TRPM3: variants seen among roughly 807,000 people sequenced by gnomAD.
TRPM3 encodes transient receptor potential cation channel subfamily M member 3.
Under a neutral mutation model 181.2 loss-of-function variants are expected in TRPM3, and 77 were observed. The ratio of observed to expected loss-of-function variants is 0.42; its 90% CI spans 0.35 to 0.51. The LOEUF (loss-of-function observed/expected upper bound fraction) is 0.51. TRPM3 is among the 20% of genes least tolerant of loss of function. The pLI is 0.01. For synonymous variants in TRPM3, 745 were observed against 796.4 expected (o/e 0.94, Z 1.09); for missense variants, 1,759 against 2,196.7 (o/e 0.80, Z 3.98).
At chr9:70,633,067 A>G (rs7859009) in intron 12 of TRPM3, among the ~76,000 whole-genome samples, 2,958 of 152,264 alleles carry the variant, frequency 0.019, 106 homozygotes, top group African/African-American at 0.065. Flanking sequence ...TGGGTCATTG[A>G]ATTGGATGAG....
rs370866814 is a variant in TRPM3 at position 70,854,436 on chromosome 9, C to T, written c.463-7845G>A. ...AAATTGTGGCACATACCAGGTATGG[C>T]GGAAAAACTAATAAATGCAAATTGA... is the stretch of plus-strand genomic sequence containing the variant. On this transcript the variant is annotated intron_variant, in intron 3 of 25. Transcript: ENST00000677713. Among the ~76,000 whole-genome samples, 85 of 152,242 alleles carry T rather than the reference C, an allele frequency of 5.6e-4. 3 individuals are homozygous for T. The highest frequency in any genetic ancestry group is 1.8e-3 in the African/African-American group (74 of 41,532).
chr9:71,059,959 T>A (rs929649459), intron 1 of TRPM3, among the ~76,000 whole-genome samples: 3 of 151,000 alleles, frequency 2.0e-5, no homozygotes, highest in Non-Finnish European at 4.4e-5. Context: ...GTATGAGGAG[T>A]GGTTGAAGAT....
chr9:71,111,161 G>C (rs1347683024), intron 1 of TRPM3, among the ~76,000 whole-genome samples: 1 of 152,136 alleles, frequency 6.6e-6, no homozygotes, highest in Non-Finnish European at 1.5e-5. Context: ...TTGACAATAA[G>C]ATGAGAAAAT....
chr9:70,550,648 C>T (rs1189414718), intron 24 of TRPM3, among the ~76,000 whole-genome samples: 1 of 152,156 alleles, frequency 6.6e-6, no homozygotes, highest in Non-Finnish European at 1.5e-5. Context: ...TGGGACAAGT[C>T]ATTCTTCTAA....
chr9:70,829,802 G>A (rs10868900), intron 5 of TRPM3, among the ~76,000 whole-genome samples: 41,417 of 151,992 alleles, frequency 0.27, 6,254 homozygotes, highest in Non-Finnish European at 0.33. Context: ...ACAGTGGTTT[G>A]CTAATCCCAT....
chr9:70,867,633 C>T, intron 1 of TRPM3, among the ~76,000 whole-genome samples: 1 of 151,994 alleles, frequency 6.6e-6, no homozygotes, highest in South Asian at 2.1e-4. Context: ...GAAGTCTTCC[C>T]ATCATTCATG....
intron 1 of TRPM3, among the ~76,000 whole-genome samples, chr9:71,360,964 A>C (rs749228960): frequency 6.6e-6 from 1 of 152,196 alleles, no homozygotes; most frequent in Non-Finnish European, 1.5e-5. Context: ...TTTTGTGTAT[A>C]TTAAAAATTT....
At chr9:70,853,002 C>G (rs1289884916) in intron 3 of TRPM3, among the ~76,000 whole-genome samples, 1 of 152,118 alleles carries the variant, frequency 6.6e-6, no homozygotes, top group African/African-American at 2.4e-5. Flanking sequence ...AATTTTATCT[C>G]CCTATGTTGC....
At chr9:70,770,639 G>T (rs2080048429) in intron 7 of TRPM3, among the ~76,000 whole-genome samples, 1 of 152,130 alleles carries the variant, frequency 6.6e-6, no homozygotes, top group Non-Finnish European at 1.5e-5. Context: ...TACCAGTGAG[G>T]GATCTGAGAC....
chr9:71,339,605 TATC>T (rs2090813318), intron 1 of TRPM3, among the ~76,000 whole-genome samples: 1 of 152,124 alleles, frequency 6.6e-6, no homozygotes, highest in Non-Finnish European at 1.5e-5. Context: ...TTGGCATAAT[TATC>T]ATCTATTTGG....
chr9:71,439,619 T>C (rs2094104713), intron 1 of TRPM3, among the ~76,000 whole-genome samples: 1 of 152,076 alleles, frequency 6.6e-6, no homozygotes, highest in African/African-American at 2.4e-5. Context: ...TTGGCTCAGG[T>C]CAGAGACTGG....
At chr9:71,430,680 C>T (rs1271886630) in intron 1 of TRPM3, among the ~76,000 whole-genome samples, 4 of 151,932 alleles carry the variant, frequency 2.6e-5, no homozygotes, top group Non-Finnish European at 5.9e-5. Flanking sequence ...GGCATGGTGG[C>T]GTGCACCTGT....
intron 16 of TRPM3, among the ~76,000 whole-genome samples, chr9:70,619,406 C>CTTTTTTTTTTTT (rs1170887633): frequency 1.2e-5 from 1 of 81,418 alleles, no homozygotes; most frequent in African/African-American, 4.8e-5. Flanking sequence ...TCGTCGTCTT[C>CTTTTTTTTTTTT]TTTTTTTTTT....
intron 22 of TRPM3, among the ~76,000 whole-genome samples, chr9:70,578,180 C>G (rs1182002992): frequency 6.6e-6 from 1 of 151,840 alleles, no homozygotes; most frequent in East Asian, 1.9e-4. Flanking sequence ...GGGTTTGATT[C>G]CCCTTTGCGC....
intron 19 of TRPM3, among the ~76,000 whole-genome samples, chr9:70,609,612 G>A (rs1026940712): frequency 1.3e-5 from 2 of 152,200 alleles, no homozygotes; most frequent in African/African-American, 4.8e-5. Context: ...ACCTGTTGGG[G>A]ACAGCCCCCC....
intron 1 of TRPM3, among the ~76,000 whole-genome samples, chr9:71,362,502 T>C (rs1468103464): frequency 1.3e-5 from 2 of 152,144 alleles, no homozygotes; most frequent in East Asian, 3.8e-4. Context: ...GTACAGTAAA[T>C]AGTAAAAGTA....
intron 8 of TRPM3, among the ~76,000 whole-genome samples, chr9:70,756,492 C>A (rs759236765): frequency 3.3e-5 from 5 of 152,124 alleles, no homozygotes; most frequent in Non-Finnish European, 5.9e-5. Context: ...ACCAAGCAGA[C>A]CTAATAGACA....
At chr9:71,326,503 C>T (rs1189377387) in intron 1 of TRPM3, among the ~76,000 whole-genome samples, 4 of 152,206 alleles carry the variant, frequency 2.6e-5, no homozygotes, top group African/African-American at 7.2e-5. Context: ...CAATAACTTA[C>T]CTGGCTGAGC....
chr9:71,424,197 C>G (rs1207939183), intron 1 of TRPM3, among the ~76,000 whole-genome samples: 1 of 152,154 alleles, frequency 6.6e-6, no homozygotes. Flanking sequence ...TTCTTCACTT[C>G]ATTGTATCCA....
Sources: gnomAD v4.1 joint callset for allele counts (sites outside exome capture counted in the v4.1 genomes callset) on GRCh38, gnomAD v4.1.1 for gene constraint, MANE v1.5 for transcripts, NCBI Gene and HGNC (gene_info 2026-07-23, HGNC 2026-07-21) for gene names.